Variants in PSMG2 observed in about 807,000 individuals in gnomAD.
The protein encoded by PSMG2 is proteasome assembly chaperone 2.
In PSMG2, 21 loss-of-function variants were observed where a neutral mutation model predicts 31.5. The ratio of observed to expected loss-of-function variants is 0.67; its 90% CI spans 0.47 to 0.96. PSMG2 has a LOEUF of 0.96. Among genes scored for constraint, PSMG2 ranks in the 40% least tolerant of loss-of-function variants. The pLI is 0.00. For synonymous variants in PSMG2, 120 were observed against 110.4 expected, an observed-to-expected ratio of 1.09 and a Z score of -0.54; for missense variants, 318 against 321.2, an observed-to-expected ratio of 0.99 and a Z score of 0.08.
chr18:12,715,607 GCAATT>G (rs757095458), intron 3 of PSMG2, among the ~76,000 whole-genome samples: 109 of 152,030 alleles, frequency 7.2e-4, no homozygotes, highest in Non-Finnish European at 1.4e-3. Flanking sequence ...CTGGGTTCAA[GCAATT>G]CTCTTGTCTC....
Position 12,672,819 on chromosome 18 carries a change from G to T in PSMG2, c.-37+14046G>T, listed in dbSNP as rs148292766. ...AGTTTTTTCCTACTCTTGCTTCAAG[G>T]TCCAACCATAAATTTCTGGACAGTC... On this transcript the variant is annotated intron_variant, in intron 1 of 6. Coordinates refer to the PSMG2 transcript ENST00000585331. The T allele has an allele frequency of 3.0e-6, 3 of 984,194 alleles. No individual in the cohort carries two copies. In the African/African-American group the frequency reaches 5.2e-5, roughly 17 times the overall value. 61.0% of individuals were successfully genotyped at this position (984,194 alleles called of 1,614,324 possible). A position where few individuals can be genotyped will look rare whatever the true frequency, so the allele number is the denominator to read the frequency against.
chr18:12,691,576 CATT>C (rs1404351356), intron 1 of PSMG2: 29 of 899,340 alleles, frequency 3.2e-5, no homozygotes, highest in Non-Finnish European at 4.8e-5. Context: ...TTCTCTACAT[CATT>C]ACCACCCTAA....
chr18:12,711,750 C>CTTTTTTTT (rs34631690), intron 2 of PSMG2, among the ~76,000 whole-genome samples: 7 of 97,576 alleles, frequency 7.2e-5, no homozygotes, highest in Non-Finnish European at 7.7e-5. Context: ...GCTTCTCATT[C>CTTTTTTTT]TTTTTTTTTT....
intron 1 of PSMG2, chr18:12,691,487 G>A (rs1568026192): frequency 6.3e-7 from 1 of 1,576,918 alleles, no homozygotes; most frequent in Non-Finnish European, 8.6e-7. Context: ...TCCAAAGCAA[G>A]CTTGAAATTG....
intron 2 of PSMG2, among the ~76,000 whole-genome samples, chr18:12,708,672 A>G (rs1006737086): frequency 2.2e-5 from 3 of 138,178 alleles, no homozygotes; most frequent in Non-Finnish European, 4.7e-5. Context: ...CGGCGTTTAC[A>G]TGTAATTCAT....
intron 1 of PSMG2, among the ~76,000 whole-genome samples, chr18:12,668,618 A>AT: frequency 8.2e-6 from 1 of 121,326 alleles, no homozygotes; most frequent in Non-Finnish European, 1.9e-5. Flanking sequence ...AAAAAAAAAA[A>AT]AAAAAAAAAA....
chr18:12,674,842 AC>A (rs1416740663), intron 1 of PSMG2: 14 of 697,444 alleles, frequency 2.0e-5, no homozygotes, highest in Middle Eastern at 6.4e-4. Flanking sequence ...TTTAATGTAT[AC>A]CAAGAAAAGA....
chr18:12,718,712 T>G (rs2040401515), intron 4 of PSMG2, 77 bp downstream of exon 4: 1 of 1,098,212 alleles, frequency 9.1e-7, no homozygotes, highest in Non-Finnish European at 1.3e-6. Flanking sequence ...AGTTAAACTT[T>G]AAAAGCCACG....
intron 1 of PSMG2, among the ~76,000 whole-genome samples, chr18:12,660,430 T>A (rs1404982241): frequency 2.0e-5 from 3 of 151,868 alleles, no homozygotes; most frequent in Non-Finnish European, 2.9e-5. Flanking sequence ...GAGATGATTC[T>A]CGTGCCTCGG....
At chr18:12,722,006 C>T (rs1275973982) in intron 5 of PSMG2, among the ~76,000 whole-genome samples, 1 of 152,124 alleles carries the variant, frequency 6.6e-6, no homozygotes, top group Non-Finnish European at 1.5e-5. Context: ...CTTGCAAACA[C>T]CTACCTCCTT....
chr18:12,691,725 T>TC (rs35079985), intron 1 of PSMG2, among the ~76,000 whole-genome samples: 1 of 151,108 alleles, frequency 6.6e-6, no homozygotes, highest in East Asian at 1.9e-4. Flanking sequence ...TTTTTTTTTT[T>TC]GGTTGTGGAG....
chr18:12,667,226 TGA>T (rs2038821254), intron 1 of PSMG2, among the ~76,000 whole-genome samples: 2 of 152,238 alleles, frequency 1.3e-5, no homozygotes, highest in Admixed American at 1.3e-4. Flanking sequence ...TTTGGGAGGC[TGA>T]GTGAGGAGGA....
chr18:12,662,463 A>G (rs1256008500), intron 1 of PSMG2, among the ~76,000 whole-genome samples: 2 of 152,228 alleles, frequency 1.3e-5, no homozygotes, highest in Non-Finnish European at 2.9e-5. Context: ...ATGTCCATGT[A>G]CACTCACAGA....
chr18:12,712,655 G>T (rs2040342246), intron 2 of PSMG2, 47 bp from the exon 3 acceptor site: 1 of 1,367,878 alleles, frequency 7.3e-7, no homozygotes. Context: ...ATTTCAACTT[G>T]TATAACTTCA....
At chr18:12,662,337 C>T (rs768834457) in intron 1 of PSMG2, among the ~76,000 whole-genome samples, 2 of 152,092 alleles carry the variant, frequency 1.3e-5, no homozygotes, top group Non-Finnish European at 2.9e-5. Context: ...TATTATTATT[C>T]CTATCTTACA....
At chr18:12,690,081 GC>G (rs1568024694) in intron 1 of PSMG2, among the ~76,000 whole-genome samples, 44 of 141,200 alleles carry the variant, frequency 3.1e-4, no homozygotes, top group African/African-American at 1.0e-3. Flanking sequence ...GAGCCACCGC[GC>G]CCGGCCAGGA....
upstream of PSMG2, chr18:12,701,204 T>C (rs2040138572): frequency 1.1e-6 from 1 of 870,372 alleles, no homozygotes; most frequent in East Asian, 2.4e-5. Context: ...TAACAGTAAA[T>C]GCACAATTGT....
At chr18:12,705,546 AGAGAG>A (rs1349394844) in intron 1 of PSMG2, among the ~76,000 whole-genome samples, 2 of 42,368 alleles carry the variant, frequency 4.7e-5, no homozygotes, top group Non-Finnish European at 6.9e-5. Context: ...CATGGGAAAA[AGAGAG>A]AGAGAGAGAG....
chr18:12,698,158 TTATTTA>T (rs139484903), upstream of PSMG2, among the ~76,000 whole-genome samples: 7,749 of 151,454 alleles, frequency 0.051, 688 homozygotes, highest in African/African-American at 0.18. Flanking sequence ...ACTTTTTATT[TTATTTA>T]TATTTATTTG....
Sources: gnomAD v4.1 joint callset for allele counts (sites outside exome capture counted in the v4.1 genomes callset) on GRCh38, gnomAD v4.1.1 for gene constraint, MANE v1.5 for transcripts, NCBI Gene and HGNC (gene_info 2026-07-23, HGNC 2026-07-21) for gene names.